Variants in TBC1D1 observed in about 807,000 individuals in gnomAD.
TBC1D1 encodes TBC1 (tre-2/USP6, BUB2, cdc16) domain family, member 1.
A neutral mutation model predicts 125.6 loss-of-function variants in TBC1D1; 89 were observed. That is an observed-to-expected ratio of 0.71 (90% CI 0.60 to 0.85). The LOEUF is 0.85. Ranked by LOEUF, TBC1D1 falls within the 40% of genes least tolerant of loss-of-function variation. The pLI is 0.00. For synonymous variants in TBC1D1, 565 were observed against 564.1 expected (o/e 1.00, Z -0.02); for missense variants, 1,377 against 1,469.2 (o/e 0.94, Z 1.03).
At chr4:38,056,831 T>C (rs1362182847) in intron 12 of TBC1D1, among the ~76,000 whole-genome samples, 1 of 152,166 alleles carries the variant, frequency 6.6e-6, no homozygotes, top group Non-Finnish European at 1.5e-5. Flanking sequence ...GTCATGTCTA[T>C]ACTTGAGAAG....
chr4:38,083,927 A>C (rs1042641204), intron 12 of TBC1D1, among the ~76,000 whole-genome samples: 2 of 145,280 alleles, frequency 1.4e-5, no homozygotes, highest in South Asian at 2.2e-4. Flanking sequence ...TACCAAATGA[A>C]TGTTGTCTTT....
intron 15 of TBC1D1, among the ~76,000 whole-genome samples, chr4:38,112,454 C>G (rs889285758): frequency 6.6e-6 from 1 of 152,000 alleles, no homozygotes; most frequent in Admixed American, 6.6e-5. Context: ...GTGGTCTATC[C>G]GAAGATTATT....
chr4:37,938,717 T>A (rs1362733545), intron 2 of TBC1D1, among the ~76,000 whole-genome samples: 2 of 152,130 alleles, frequency 1.3e-5, no homozygotes, highest in African/African-American at 2.4e-5. Flanking sequence ...GATGTTCCCC[T>A]TCCTGTGTCC....
At chr4:38,052,331 G>A (rs1750749556) in intron 11 of TBC1D1, among the ~76,000 whole-genome samples, 1 of 140,434 alleles carries the variant, frequency 7.1e-6, no homozygotes, top group Admixed American at 7.1e-5. Context: ...TTGTGTTTGT[G>A]TTTGTTTTTT....
At position 38,067,919 on chromosome 4, in the gene TBC1D1, G is replaced by A. The variant is rs191950038; in HGVS notation, c.2050+13581G>A. On this transcript the variant is annotated intron_variant, in intron 12 of 19. Coordinates refer to ENST00000261439, the MANE Select transcript of TBC1D1 (RefSeq NM_015173.4). ...ACATTTTCCAGGCTTTCACCTCCAG[G>A]TACCAAAATTCACATCATTTAGAGA... Among the ~76,000 whole-genome samples, 342 of 152,198 alleles carry A rather than the reference G, an allele frequency of 2.2e-3. 1 individual carries two copies. The highest frequency in any genetic ancestry group is 3.7e-3 in the Non-Finnish European group (252 of 68,006).
chr4:37,985,779 T>C (rs1473329136), intron 2 of TBC1D1, among the ~76,000 whole-genome samples: 11 of 152,116 alleles, frequency 7.2e-5, no homozygotes, highest in Admixed American at 7.2e-4. Flanking sequence ...TAGCTTGCAG[T>C]CTAATGGGGA....
At chr4:38,090,195 C>T in intron 13 of TBC1D1, 78 bp downstream of exon 15, 1 of 1,427,498 alleles carries the variant, frequency 7.0e-7, no homozygotes, top group East Asian at 2.3e-5. Context: ...CATAAGCATG[C>T]TGTCTTAAAA....
chr4:38,085,174 C>T (rs1863326), intron 12 of TBC1D1, among the ~76,000 whole-genome samples: 26,553 of 152,122 alleles, frequency 0.17, 2,573 homozygotes, highest in East Asian at 0.41. Flanking sequence ...TCTAAAATAT[C>T]GACATACCAG....
At chr4:38,082,941 A>G (rs1024898297) in intron 12 of TBC1D1, among the ~76,000 whole-genome samples, 8 of 152,060 alleles carry the variant, frequency 5.3e-5, no homozygotes, top group Non-Finnish European at 8.8e-5. Context: ...AGTGGGGATA[A>G]AGATCTGCAG....
chr4:38,055,985 G>A (rs1352815905), intron 12 of TBC1D1, among the ~76,000 whole-genome samples: 1 of 152,208 alleles, frequency 6.6e-6, no homozygotes, highest in African/African-American at 2.4e-5. Flanking sequence ...GGGCATGGTC[G>A]CTTGGAAATT....
intron 2 of TBC1D1, among the ~76,000 whole-genome samples, chr4:38,000,301 T>C (rs1738774035): frequency 6.7e-6 from 1 of 149,294 alleles, no homozygotes; most frequent in South Asian, 2.1e-4. Flanking sequence ...AACCAGTAAC[T>C]GAAAATCTAA....
At chr4:38,001,602 A>G (rs1427430984) in intron 2 of TBC1D1, among the ~76,000 whole-genome samples, 1 of 152,222 alleles carries the variant, frequency 6.6e-6, no homozygotes, top group East Asian at 1.9e-4. Flanking sequence ...TCACCTCATT[A>G]GCATAAACTC....
intron 19 of TBC1D1, among the ~76,000 whole-genome samples, chr4:38,135,490 A>G (rs1388180486): frequency 1.3e-5 from 2 of 152,254 alleles, no homozygotes; most frequent in Non-Finnish European, 2.9e-5. Flanking sequence ...CATCGGTGTT[A>G]TTGAGGAGAC....
At chr4:38,029,339 TA>T (rs909688819) in intron 7 of TBC1D1, among the ~76,000 whole-genome samples, 1 of 151,934 alleles carries the variant, frequency 6.6e-6, no homozygotes, top group African/African-American at 2.4e-5. Context: ...TCTGTTAGTG[TA>T]AAAAAAATGA....
intron 6 of TBC1D1, among the ~76,000 whole-genome samples, chr4:38,025,139 AAC>A (rs1271771802): frequency 1.3e-5 from 2 of 152,176 alleles, no homozygotes; most frequent in African/African-American, 2.4e-5. Context: ...CCTTCAGTAA[AAC>A]ACAGTCATTC....
rs748461694 is a variant in TBC1D1, at chr4:38,027,810, A to G, written c.1233A>G (p.Lys411=). ...TAGGAATGAATTCTTCCAAAACAAAACTAGAACTGCAAAAGCACCTGACGA... is the reference window on the plus strand; with the variant it reads ...TAGGAATGAATTCTTCCAAAACAAAGCTAGAACTGCAAAAGCACCTGACGA... Residue 411 remains lysine (K), a synonymous_variant, in exon 7 of 20, where the codon AAA becomes AAG. Transcript: ENST00000261439. The G allele has an allele frequency of 3.1e-6, 5 of 1,612,792 alleles. No individual in the cohort carries two copies. The highest frequency in any genetic ancestry group is 1.7e-4 in the Middle Eastern group (1 of 6,058).
At chr4:38,136,315 T>C (rs1427254405) in intron 19 of TBC1D1, among the ~76,000 whole-genome samples, 1 of 152,140 alleles carries the variant, frequency 6.6e-6, no homozygotes. Context: ...TCCTCCTCTG[T>C]AGGGTGGAAG....
At chr4:38,090,224 C>G (rs1480664605) in intron 13 of TBC1D1, 107 bp downstream of exon 15, 1 of 1,012,650 alleles carries the variant, frequency 9.9e-7, no homozygotes. Flanking sequence ...GCACGATAGT[C>G]TAATGTATAC....
rs189733751 is a variant in TBC1D1 at position 37,953,626 on chromosome 4, C to A, written c.417+51114C>A. On this transcript the variant is annotated intron_variant, in intron 2 of 19. Transcript: ENST00000261439. ...AGGAGAAAGCATATCTGGGAAAATG[C>A]AAATGGTTGATGAGTAGAAGAATTG... Among the ~76,000 whole-genome samples, 557 of 152,198 alleles carry A rather than the reference C, an allele frequency of 3.7e-3. 14 individuals carry two copies. The highest frequency in any genetic ancestry group is 4.8e-3 in the Admixed American group (73 of 15,278).
Sources: gnomAD v4.1 joint callset for allele counts (sites outside exome capture counted in the v4.1 genomes callset) on GRCh38, gnomAD v4.1.1 for gene constraint, MANE v1.5 for transcripts, NCBI Gene and HGNC (gene_info 2026-07-23, HGNC 2026-07-21) for gene names.